The following THOC5 variants were observed in gnomAD, a reference collection of about 807,000 sequenced individuals.
THOC5 encodes the protein THO complex subunit 5, also known as Fms-interacting protein.
In THOC5, 43 loss-of-function variants were observed where a neutral mutation model predicts 92.9. The ratio of observed to expected loss-of-function variants is 0.46; its 90% confidence interval spans 0.36 to 0.60. The LOEUF (loss-of-function observed/expected upper bound fraction) is 0.60, where lower values mean the gene tolerates loss of function less well. Ranked by LOEUF, THOC5 falls within the 20% of genes least tolerant of loss-of-function variation. The pLI, the probability that THOC5 is intolerant of heterozygous loss-of-function variation, is 0.00. For synonymous variants in THOC5, 296 were observed against 320.1 expected (o/e 0.92, Z 0.80); for missense variants, 659 against 849.4 (o/e 0.78, Z 2.79).
intron 12 of THOC5, among the ~76,000 whole-genome samples, chr22:29,524,173 T>C (rs2063498769): frequency 6.6e-6 from 1 of 152,260 alleles, no homozygotes; most frequent in Non-Finnish European, 1.5e-5. Context: ...ATGACAGCAG[T>C]GGTATACAGG....
intron 4 of THOC5, 77 bp from the exon 5 acceptor site, chr22:29,543,033 A>G: frequency 1.9e-6 from 2 of 1,039,116 alleles, no homozygotes. Flanking sequence ...AACTAAGAGA[A>G]GGTGTAAAGG....
intron 2 of THOC5, chr22:29,545,075 G>T (rs1301041905): frequency 6.9e-6 from 3 of 437,734 alleles, no homozygotes; most frequent in African/African-American, 4.1e-5. Context: ...CCACATAGCT[G>T]GGGAGGCCTC....
At chr22:29,511,403 G>C (rs1332778073) in intron 18 of THOC5, 107 bp from the exon 19 acceptor site, 4 of 1,294,598 alleles carry the variant, frequency 3.1e-6, no homozygotes, top group Middle Eastern at 2.7e-4. Flanking sequence ...TGCCTCTGCA[G>C]GGGCTGGGCC....
intron 15 of THOC5, among the ~76,000 whole-genome samples, chr22:29,517,868 T>C (rs568978807): frequency 2.6e-5 from 4 of 152,156 alleles, no homozygotes; most frequent in African/African-American, 4.8e-5. Flanking sequence ...GTTCCCTACC[T>C]TGGGACAAAA....
rs563738996 is a variant in THOC5, at chr22:29,517,676, A to G, written c.1490-310T>C. Among the ~76,000 whole-genome samples, 6 of 152,378 alleles carry G rather than the reference A, an allele frequency of 3.9e-5. No homozygotes were observed. In the South Asian group the frequency reaches 1.2e-3, roughly 32 times the overall value. On this transcript the variant is annotated intron_variant, in intron 15 of 19. Transcript: ENST00000490103. ...GAACTAGGGAGGGTGCCCCTGCAGC[A>G]GTGACTGTTAATTAGATCAAATAGC... is the stretch of plus-strand genomic sequence containing the variant.
Position 29,531,899 on chromosome 22 carries a change from G to A in THOC5, c.779C>T (p.Thr260Ile), listed in dbSNP as rs997537875. The A allele has an allele frequency of 1.1e-5, 18 of 1,614,162 alleles. No homozygotes were observed. The highest frequency in any genetic ancestry group is 1.5e-5 in the Non-Finnish European group (18 of 1,180,024). ...PFDQAHKQYE[T>I]ARHLPPPLYV... ...GAGGGGAGGCGGCAGGTGTCTGGCT[G>A]TCTCATACTGCTTGTGAGCCTGGTC... The change falls in exon 8 of 20, where the codon ACA becomes ATA. Residue 260 changes from threonine to isoleucine, a missense_variant. Thr to Ile is a moderately conservative substitution (Grantham distance 89, BLOSUM62 -1). Coordinates refer to ENST00000490103, the MANE Select transcript of THOC5 (RefSeq NM_003678.5).
intron 14 of THOC5, 77 bp from the exon 15 acceptor site, chr22:29,519,197 GCCTGTCTGCGGCACCCTGGATTATCCA>G: frequency 1.0e-6 from 1 of 956,290 alleles, no homozygotes; most frequent in Non-Finnish European, 1.6e-6. Context: ...CCTGGGACCT[GCCTGTCTGCGGCACCCTGGATTATCCA>G]TGCCCCAAGA....
At chr22:29,532,702 G>T (rs1295420325) in intron 7 of THOC5, among the ~76,000 whole-genome samples, 1 of 151,226 alleles carries the variant, frequency 6.6e-6, no homozygotes, top group Non-Finnish European at 1.5e-5. Context: ...AGCAGGCTGG[G>T]TGCAGTGGCT....
intron 1 of THOC5, among the ~76,000 whole-genome samples, chr22:29,552,980 A>C (rs2064204539): frequency 6.6e-6 from 1 of 152,126 alleles, no homozygotes; most frequent in Non-Finnish European, 1.5e-5. Context: ...GTGTCCACTC[A>C]GGGTTAAATG....
chr22:29,531,720 G>T, intron 8 of THOC5, 111 bp downstream of exon 8: 1 of 1,495,106 alleles, frequency 6.7e-7, no homozygotes, highest in East Asian at 2.3e-5. Flanking sequence ...TCACCTGAGG[G>T]CTTCGGGCAG....
intron 8 of THOC5, 97 bp from the exon 9 acceptor site, chr22:29,529,336 G>T: frequency 1.6e-6 from 2 of 1,281,764 alleles, no homozygotes; most frequent in Non-Finnish European, 2.3e-6. Flanking sequence ...TCCCACCTCT[G>T]CCCAGCTCCT....
chr22:29,544,483 T>G lies in THOC5; in HGVS notation c.217A>C (p.Lys73Gln). 1 of 1,613,814 alleles carries G rather than the reference T, an allele frequency of 6.2e-7. No homozygotes were observed. The highest frequency in any genetic ancestry group is 1.3e-5 in the African/African-American group (1 of 75,024). ...ACCACATCCTTGCCACCCCTGCTCT[T>G]CAGGTCTTGGATCTCAGCCATCAGC... is the stretch of plus-strand genomic sequence containing the variant. ...QRLMAEIQDLKSRGGKDVAIE... is the reference protein window; with the variant it reads ...QRLMAEIQDLQSRGGKDVAIE... The change falls in exon 3 of 20, where the codon AAG becomes CAG. Residue 73 changes from lysine to glutamine, a missense_variant. Lys to Gln is a moderately conservative substitution (Grantham distance 53, BLOSUM62 1). Coordinates refer to ENST00000490103, the MANE Select transcript of THOC5 (RefSeq NM_003678.5).
intron 14 of THOC5, 21 bp downstream of exon 14, chr22:29,519,987 A>G (rs1295158258): frequency 2.5e-6 from 4 of 1,598,862 alleles, no homozygotes; most frequent in Non-Finnish European, 1.7e-6. Context: ...TCAGCCAACT[A>G]GATGAGATCA....
chr22:29,537,899 T>A (rs1210214713), intron 6 of THOC5, among the ~76,000 whole-genome samples: 2 of 152,062 alleles, frequency 1.3e-5, no homozygotes, highest in Non-Finnish European at 2.9e-5. Flanking sequence ...GTCAAAAAAA[T>A]AAATAAATAA....
intron 11 of THOC5, among the ~76,000 whole-genome samples, chr22:29,526,392 C>T (rs746483815): frequency 1.3e-5 from 2 of 151,854 alleles, no homozygotes; most frequent in African/African-American, 2.4e-5. Context: ...ATCAGTCGGG[C>T]GTGGTGGCGG....
intron 12 of THOC5, among the ~76,000 whole-genome samples, chr22:29,522,991 ACT>A (rs926267245): frequency 3.9e-5 from 6 of 151,994 alleles, no homozygotes; most frequent in African/African-American, 1.4e-4. Context: ...ACAGAGCGAG[ACT>A]CTGTCTCAAG....
At position 29,508,155 on chromosome 22, in the gene THOC5, G is replaced by A. The variant is rs1029684202; in HGVS notation, c.*302C>T. The A allele has an allele frequency of 2.4e-5, 10 of 412,654 alleles. 1 individual carries two copies. Among genetic ancestry groups the A allele is most frequent in the East Asian group, 9.1e-5 (2 of 21,950 alleles). The allele number at this position is 412,654 out of a possible 1,614,324, so 25.6% of individuals were successfully genotyped here. On this transcript the variant is annotated 3_prime_UTR_variant, in exon 20 of 20. Coordinates refer to ENST00000490103, the MANE Select transcript of THOC5 (RefSeq NM_003678.5). ...CCCGCAAAGCACAAATAGGGTGTGC[G>A]TAGACAAGAGGTGAGCATCTCTCTG...
At chr22:29,543,395 G>T in intron 4 of THOC5, 34 bp downstream of exon 4, 1 of 1,353,462 alleles carries the variant, frequency 7.4e-7, no homozygotes, top group Non-Finnish European at 1.0e-6. Context: ...GAGGAGGAAG[G>T]AGGAAGGTTA....
intron 18 of THOC5, 118 bp downstream of exon 18, chr22:29,511,903 A>G: frequency 1.2e-6 from 1 of 827,336 alleles, no homozygotes. Flanking sequence ...ATCCTGGCAC[A>G]ACCTTCTGTT....
Sources: gnomAD v4.1 joint callset for allele counts (sites outside exome capture counted in the v4.1 genomes callset) on GRCh38, gnomAD v4.1.1 for gene constraint, MANE v1.5 for transcripts, NCBI Gene and HGNC (gene_info 2026-07-23, HGNC 2026-07-21) for gene names.